The following F2R variants were observed in gnomAD, a reference collection of about 807,000 sequenced individuals.
F2R encodes proteinase-activated receptor 1.
Under a neutral mutation model 18.3 loss-of-function variants are expected in F2R, and 12 were observed. The observed-to-expected ratio is 0.66, with a 90% confidence interval of 0.42 to 1.06. F2R has a LOEUF of 1.06. Among genes scored for constraint, F2R ranks in the 50% least tolerant of loss-of-function variants. The pLI, the probability that F2R is intolerant of heterozygous loss-of-function variation, is 0.00. For synonymous variants in F2R, 210 were observed against 219.9 expected (o/e 0.95, Z 0.40); for missense variants, 438 against 530.8 (o/e 0.83, Z 1.72).
At chr5:76,718,088 C>T (rs1257666605) in intron 1 of F2R, among the ~76,000 whole-genome samples, 2 of 152,098 alleles carry the variant, frequency 1.3e-5, no homozygotes, top group African/African-American at 2.4e-5. Flanking sequence ...AGCCCTGGGC[C>T]AGAAGGAATT....
Position 76,733,352 on chromosome 5 carries a change from C to G in F2R, c.1127C>G (p.Ser376Cys). ...CCCCTAATTTACTATTACGCTTCCT[C>G]TGAGTGCCAGAGGTACGTCTACAGT... Reference protein sequence around the residue: ...IDPLIYYYASSECQRYVYSIL... With the variant: ...IDPLIYYYASCECQRYVYSIL... Residue 376 changes from serine to cysteine, a missense_variant, in exon 2 of 2, where the codon TCT becomes TGT. Physicochemically the swap from Ser to Cys is moderately radical, Grantham distance 112. Transcript: ENST00000319211. The G allele has an allele frequency of 6.2e-7, 1 of 1,614,198 alleles. No individual in the cohort carries two copies.
rs1748726448 is a variant in F2R, at chr5:76,733,608, A to G, written c.*105A>G. 2.3e-6 allele frequency: 2 copies of G among 882,204 alleles called. No individual in the cohort carries two copies. Among genetic ancestry groups the G allele is most frequent in the South Asian group, 1.8e-5 (1 of 54,324 alleles). 54.6% of individuals were successfully genotyped at this position (882,204 alleles called of 1,614,324 possible). ...CTTTATTGATTCACCTCCTAAAACA[A>G]CAGATGTACGACTTGCATACCTGCT... is the stretch of plus-strand genomic sequence containing the variant. On this transcript the variant is annotated 3_prime_UTR_variant, in exon 2 of 2. Coordinates refer to ENST00000319211, the MANE Select transcript of F2R (RefSeq NM_001992.5).
chr5:76,717,813 A>C (rs1389282428), intron 1 of F2R, among the ~76,000 whole-genome samples: 1 of 152,158 alleles, frequency 6.6e-6, no homozygotes, highest in African/African-American at 2.4e-5. Flanking sequence ...GAAATGCTGC[A>C]CCCTTTCTCA....
intron 1 of F2R, among the ~76,000 whole-genome samples, chr5:76,720,721 T>G (rs1435928061): frequency 6.6e-6 from 1 of 152,140 alleles, no homozygotes; most frequent in Non-Finnish European, 1.5e-5. Context: ...CTCTATGGAT[T>G]TACCTATTTT....
rs924561833 is a variant in F2R at position 76,728,457 on chromosome 5, G to A, written c.89-3857G>A. Among the ~76,000 whole-genome samples the A allele has an allele frequency of 5.9e-5, 9 of 151,936 alleles. No homozygotes were observed. The South Asian group carries it at 1.5e-3, about 25-fold the overall frequency. The stretch of plus-strand genomic sequence containing the variant: ...TGAAATCATGCTATATTTGTCTTTC[G>A]GTGCCTGCCATATTTCACTTAACAT... On this transcript the variant is annotated intron_variant, in intron 1 of 1. Coordinates refer to ENST00000319211, the MANE Select transcript of F2R (RefSeq NM_001992.5).
At chr5:76,718,109 T>C (rs1748377992) in intron 1 of F2R, among the ~76,000 whole-genome samples, 1 of 152,148 alleles carries the variant, frequency 6.6e-6, no homozygotes, top group South Asian at 2.1e-4. Context: ...TTCACTTGGA[T>C]TGTCTCATTT....
At chr5:76,730,230 A>C (rs950299646) in intron 1 of F2R, among the ~76,000 whole-genome samples, 12 of 152,180 alleles carry the variant, frequency 7.9e-5, no homozygotes, top group African/African-American at 2.9e-4. Flanking sequence ...GGTGCTTCTC[A>C]TCTTTCCTAC....
Position 76,732,632 on chromosome 5 carries a change from C to A in F2R, c.407C>A (p.Pro136Gln). The A allele has an allele frequency of 6.2e-7, 1 of 1,614,130 alleles. No individual in the cohort carries two copies. The highest frequency in any genetic ancestry group is 8.5e-7 in the Non-Finnish European group (1 of 1,180,036). Residue 136 changes from proline (P) to glutamine (Q), a missense_variant, in exon 2 of 2, where the codon CCG (proline) becomes CAG (glutamine). Transcript: ENST00000319211. ...ATCCTGAAAATGAAGGTCAAGAAGC[C>A]GGCGGTGGTGTACATGCTGCACCTG... The part of the protein sequence containing the change: ...VFILKMKVKK[P>Q]AVVYMLHLAT...
intron 1 of F2R, among the ~76,000 whole-genome samples, chr5:76,728,604 G>C (rs879407652): frequency 3.3e-5 from 5 of 150,628 alleles, no homozygotes; most frequent in Non-Finnish European, 5.9e-5. Context: ...TTCATCAGTG[G>C]ATACCTAGTT....
chr5:76,732,807 A>C lies in F2R; in HGVS notation c.582A>C (p.Thr194=). Residue 194 remains threonine (T), a synonymous_variant, in exon 2 of 2, where the codon ACA becomes ACC. Coordinates refer to ENST00000319211, the MANE Select transcript of F2R (RefSeq NM_001992.5). ...TGTACGCCTCTATCTTGCTCATGACAGTCATAAGCATTGACCGGTTTCTGG... is the reference window on the plus strand; with the variant it reads ...TGTACGCCTCTATCTTGCTCATGACCGTCATAAGCATTGACCGGTTTCTGG... ...CNMYASILLM[T]VISIDRFLAV... is the part of the protein sequence containing the mutation. 6.2e-7 allele frequency: 1 copy of C among 1,614,184 alleles called. No individual in the cohort carries two copies. The highest frequency in any genetic ancestry group is 8.5e-7 in the Non-Finnish European group (1 of 1,180,040).
In F2R at chr5:76,716,158, G is replaced by T; in HGVS notation, c.-150G>T. 3.9e-6 allele frequency: 2 copies of T among 515,340 alleles called. No individual in the cohort carries two copies. Among genetic ancestry groups the T allele is most frequent in the Non-Finnish European group, 6.1e-6 (2 of 327,014 alleles). The allele number at this position is 515,340 out of a possible 1,614,324, so 31.9% of individuals were successfully genotyped here. The stretch of plus-strand genomic sequence containing the variant: ...CCAGACACAGCGCTCGCCGAGGGTC[G>T]CTTGGACCCTGATCTTACCCGTGGG... On this transcript the variant is annotated 5_prime_UTR_variant, in exon 1 of 2. Coordinates refer to ENST00000319211, the MANE Select transcript of F2R (RefSeq NM_001992.5).
At chr5:76,726,801 AAAT>A (rs1446188730) in intron 1 of F2R, among the ~76,000 whole-genome samples, 1 of 152,222 alleles carries the variant, frequency 6.6e-6, no homozygotes, top group Non-Finnish European at 1.5e-5. Context: ...AAATAAAAAA[AAAT>A]GTTTAAGTGC....
chr5:76,733,278 T>C lies in F2R; in HGVS notation c.1053T>C (p.Phe351=), dbSNP rs774319034. ...CTTCCACCACAGAGGCTGCCTACTT[T>C]GCCTACCTCCTCTGTGTCTGTGTCA... ...SHTSTTEAAY[F]AYLLCVCVSS... is the part of the protein sequence containing the mutation. Residue 351 remains phenylalanine (F), a synonymous_variant, in exon 2 of 2, where the codon TTT becomes TTC. Coordinates refer to ENST00000319211, the MANE Select transcript of F2R (RefSeq NM_001992.5). 1 of 1,614,180 alleles carries C rather than the reference T, an allele frequency of 6.2e-7. No homozygotes were observed.
At chr5:76,722,054 G>A (rs1014526848) in intron 1 of F2R, among the ~76,000 whole-genome samples, 5 of 152,186 alleles carry the variant, frequency 3.3e-5, no homozygotes, top group Non-Finnish European at 5.9e-5. Context: ...TCCTGGAACT[G>A]TTGTTTATTA....
Position 76,733,693 on chromosome 5 carries a change from A to T in F2R, c.*190A>T. 1.7e-6 allele frequency: 1 copy of T among 582,222 alleles called. No homozygotes were observed. Among genetic ancestry groups the T allele is most frequent in the Non-Finnish European group, 3.0e-6 (1 of 330,070 alleles). 36.1% of individuals were successfully genotyped at this position (582,222 alleles called of 1,614,324 possible). ...ATTACCAGAAAGATAACAGGACGAG[A>T]TGACGGTGTTATTCCAAGGGAATAT... On this transcript the variant is annotated 3_prime_UTR_variant, in exon 2 of 2. Coordinates refer to ENST00000319211, the MANE Select transcript of F2R (RefSeq NM_001992.5).
At chr5:76,718,648 A>G (rs1475272608) in intron 1 of F2R, among the ~76,000 whole-genome samples, 2 of 152,356 alleles carry the variant, frequency 1.3e-5, no homozygotes, top group South Asian at 4.1e-4. Context: ...ATTTATCCCC[A>G]TGGTGACTAA....
chr5:76,716,744 C>T (rs774897857), intron 1 of F2R: 2 of 639,552 alleles, frequency 3.1e-6, no homozygotes, highest in Non-Finnish European at 5.6e-6. Context: ...AAGAAAAGCT[C>T]TCACGTTGCT....
At chr5:76,731,860 C>T (rs2227798) in intron 1 of F2R, among the ~76,000 whole-genome samples, 2,587 of 152,176 alleles carry the variant, frequency 0.017, 68 homozygotes, top group African/African-American at 0.059. Context: ...TGGATTTTTC[C>T]ATTGAAAAGG....
At chr5:76,722,152 G>A (rs564049791) in intron 1 of F2R, among the ~76,000 whole-genome samples, 2 of 152,294 alleles carry the variant, frequency 1.3e-5, no homozygotes, top group East Asian at 3.9e-4. Context: ...CATGGGGACA[G>A]TTTTTATAGT....
Sources: gnomAD v4.1 joint callset for allele counts (sites outside exome capture counted in the v4.1 genomes callset) on GRCh38, gnomAD v4.1.1 for gene constraint, MANE v1.5 for transcripts, NCBI Gene and HGNC (gene_info 2026-07-23, HGNC 2026-07-21) for gene names.